The following SPRED2 variants were observed in gnomAD, a reference collection of about 807,000 sequenced individuals.
SPRED2 encodes the protein sprouty related EVH1 domain containing 2, also known as sprouty-related, EVH1 domain-containing protein 2.
In SPRED2, 47 loss-of-function variants were observed where a neutral mutation model predicts 43.0. That is an observed-to-expected ratio of 1.09 (90% CI 0.87 to 1.40). SPRED2 has a LOEUF of 1.40. SPRED2 is among the 40% of genes most tolerant of loss of function. The pLI, the probability that SPRED2 is intolerant of heterozygous loss-of-function variation, is 0.00. For synonymous variants in SPRED2, 225 were observed against 225.7 expected, an observed-to-expected ratio of 1.00 and a Z score of 0.03; for missense variants, 561 against 586.4, an observed-to-expected ratio of 0.96 and a Z score of 0.45.
intron 1 of SPRED2, among the ~76,000 whole-genome samples, chr2:65,423,234 TTTTG>T (rs1676478458): frequency 6.6e-6 from 1 of 152,228 alleles, no homozygotes; most frequent in South Asian, 2.1e-4. Flanking sequence ...GCCTACTGAC[TTTTG>T]TTTTAGAGAG....
At chr2:65,364,357 G>A (rs1018926522) in intron 1 of SPRED2, among the ~76,000 whole-genome samples, 8 of 152,196 alleles carry the variant, frequency 5.3e-5, no homozygotes, top group Non-Finnish European at 1.2e-4. Context: ...CATAGGCAGC[G>A]TCTCACTCAA....
intron 2 of SPRED2, among the ~76,000 whole-genome samples, chr2:65,338,827 G>T (rs926479311): frequency 3.3e-5 from 5 of 151,556 alleles, no homozygotes; most frequent in Non-Finnish European, 7.4e-5. Flanking sequence ...GTCTCTGCCC[G>T]GCCGCCATCC....
chr2:65,318,171 T>G (rs143086519), intron 4 of SPRED2, among the ~76,000 whole-genome samples: 4,877 of 152,274 alleles, frequency 0.032, 102 homozygotes, highest in Non-Finnish European at 0.04. Flanking sequence ...TTTTTTTGCC[T>G]GCCACCATCC....
At chr2:65,416,766 G>C (rs1676284823) in intron 1 of SPRED2, among the ~76,000 whole-genome samples, 1 of 152,090 alleles carries the variant, frequency 6.6e-6, no homozygotes, top group African/African-American at 2.4e-5. Context: ...AGGCGTCTGT[G>C]GGACCTTGGG....
chr2:65,334,799 G>C, intron 2 of SPRED2, 26 bp from the exon 3 acceptor site: 1 of 1,611,810 alleles, frequency 6.2e-7, no homozygotes, highest in Non-Finnish European at 8.5e-7. Context: ...ACACAGGCTG[G>C]TTACTAGTGG....
At chr2:65,418,019 C>G (rs576476528) in intron 1 of SPRED2, among the ~76,000 whole-genome samples, 11 of 152,308 alleles carry the variant, frequency 7.2e-5, no homozygotes, top group African/African-American at 2.6e-4. Context: ...ACCATCTTCC[C>G]CAACAACTAT....
At chr2:65,399,465 C>T (rs1572893744) in intron 1 of SPRED2, among the ~76,000 whole-genome samples, 1 of 149,276 alleles carries the variant, frequency 6.7e-6, no homozygotes, top group African/African-American at 2.5e-5. Flanking sequence ...TCACTGCAAC[C>T]TCTGCCTCCC....
Position 65,313,277 on chromosome 2 carries a change from CGT to C in SPRED2, c.*222_*223del. The C allele has an allele frequency of 1.4e-6, 2 of 1,388,254 alleles. No individual in the cohort carries two copies. The highest frequency in any genetic ancestry group is 9.3e-7 in the Non-Finnish European group (1 of 1,075,716). The allele number at this position is 1,388,254 out of a possible 1,614,324, so 86.0% of individuals were successfully genotyped here. A position where few individuals can be genotyped will look rare whatever the true frequency, so the allele number is the denominator to read the frequency against. On this transcript the variant is annotated 3_prime_UTR_variant, in exon 6 of 6. Transcript: ENST00000356388. ...TTCCTTCCTCAGAACACTGTGCGAGCGTGTGTGTATGGATGTGGCTGCTGCAG... is the reference window on the plus strand; with the variant it reads ...TTCCTTCCTCAGAACACTGTGCGAGCGTGTGTATGGATGTGGCTGCTGCAG...
intron 5 of SPRED2, among the ~76,000 whole-genome samples, chr2:65,315,820 A>G (rs958867559): frequency 6.6e-6 from 1 of 152,118 alleles, no homozygotes; most frequent in African/African-American, 2.4e-5. Context: ...CACCACACCC[A>G]GCTAATTTTT....
At chr2:65,337,541 T>C (rs1175297983) in intron 2 of SPRED2, among the ~76,000 whole-genome samples, 2 of 152,224 alleles carry the variant, frequency 1.3e-5, no homozygotes, top group Non-Finnish European at 2.9e-5. Context: ...CCACTGTCAG[T>C]AGAGCGGGCA....
At chr2:65,430,829 G>A (rs1676664740) in intron 1 of SPRED2, among the ~76,000 whole-genome samples, 1 of 152,032 alleles carries the variant, frequency 6.6e-6, no homozygotes, top group Admixed American at 6.5e-5. Flanking sequence ...AGGAGGGGAG[G>A]GATATCATGT....
intron 5 of SPRED2, among the ~76,000 whole-genome samples, chr2:65,315,125 A>G (rs573026310): frequency 6.6e-6 from 1 of 151,668 alleles, no homozygotes; most frequent in African/African-American, 2.4e-5. Context: ...ACCCTGGCTC[A>G]CCCAGGGCCT....
chr2:65,406,760 G>C (rs1051182209), intron 1 of SPRED2, among the ~76,000 whole-genome samples: 1 of 152,194 alleles, frequency 6.6e-6, no homozygotes, highest in Non-Finnish European at 1.5e-5. Context: ...AAGCTAACCT[G>C]TTCCACCAGA....
At position 65,364,447 on chromosome 2, in the gene SPRED2, G is replaced by A. The variant is rs540578487; in HGVS notation, c.27-19551C>T. 3.9e-5 allele frequency among the ~76,000 whole-genome samples: 6 copies of A among 152,342 alleles called. No homozygotes were observed. The South Asian group carries it at 1.0e-3, about 26-fold the overall frequency. ...GCTCTGTATTCCTTTTCCCTCAAAA[G>A]GGAAAGAAGGCATCTAAAAACCACG... On this transcript the variant is annotated intron_variant, in intron 1 of 5. Coordinates refer to ENST00000356388, the MANE Select transcript of SPRED2 (RefSeq NM_181784.3).
intron 1 of SPRED2, among the ~76,000 whole-genome samples, chr2:65,393,235 A>G (rs1572890356): frequency 6.6e-6 from 1 of 151,562 alleles, no homozygotes; most frequent in East Asian, 1.9e-4. Flanking sequence ...CTGACTCTCC[A>G]CCTACATTTC....
downstream of SPRED2, among the ~76,000 whole-genome samples, chr2:65,308,050 T>C (rs1468375357): frequency 1.3e-5 from 2 of 149,724 alleles, no homozygotes; most frequent in African/African-American, 5.0e-5. Flanking sequence ...ATAGAGCTCC[T>C]CTAACAATAC....
At chr2:65,362,657 G>A (rs1282756856) in intron 1 of SPRED2, among the ~76,000 whole-genome samples, 6 of 152,000 alleles carry the variant, frequency 3.9e-5, no homozygotes, top group Admixed American at 6.5e-5. Context: ...TCAGGGGTTC[G>A]AGACCAGCCT....
chr2:65,325,783 A>G (rs146047996), intron 4 of SPRED2, among the ~76,000 whole-genome samples: 10 of 152,330 alleles, frequency 6.6e-5, no homozygotes, highest in African/African-American at 2.4e-4. Flanking sequence ...TTTGTAAAAT[A>G]CAAAGTATTT....
intron 1 of SPRED2, among the ~76,000 whole-genome samples, chr2:65,398,525 G>GA (rs60110378): frequency 0.078 from 11,672 of 149,066 alleles, 1,468 homozygotes; most frequent in African/African-American, 0.27. Flanking sequence ...AACTCAGCGA[G>GA]AAAAAAAAAA....
Sources: allele counts gnomAD v4.1 joint callset (sites outside exome capture counted in the v4.1 genomes callset), GRCh38; gene constraint gnomAD v4.1.1; transcripts MANE v1.5; gene names NCBI Gene and HGNC (gene_info 2026-07-23, HGNC 2026-07-21).